Variants in BBS9 observed in about 807,000 individuals in gnomAD.
BBS9 encodes the protein Bardet-Biedl syndrome 9.
A neutral mutation model predicts 117.7 loss-of-function variants in BBS9; 89 were observed. The observed-to-expected ratio is 0.76, with a 90% CI of 0.64 to 0.90. The LOEUF (loss-of-function observed/expected upper bound fraction) is 0.90. BBS9 is among the 40% of genes least tolerant of loss of function. BBS9 has a pLI of 0.00. For synonymous variants in BBS9, 379 were observed against 370.9 expected (o/e 1.02, Z -0.25); for missense variants, 982 against 1,042.2 (o/e 0.94, Z 0.80).
chr7:33,304,647 C>T lies in BBS9; in HGVS notation c.1016+30691C>T, dbSNP rs373558182. Among the ~76,000 whole-genome samples, 48 of 152,214 alleles carry T rather than the reference C, an allele frequency of 3.2e-4. No individual in the cohort carries two copies. The South Asian group carries it at 9.1e-3, about 29-fold the overall frequency. On this transcript the variant is annotated intron_variant, in intron 9 of 22. Coordinates refer to ENST00000242067, the MANE Select transcript of BBS9 (RefSeq NM_198428.3). ...GTACCCAACAGCTTGGAAGAGACAGCGACCATCGAGAATGGGCCATGATGA... is the reference window on the plus strand; with the variant it reads ...GTACCCAACAGCTTGGAAGAGACAGTGACCATCGAGAATGGGCCATGATGA...
intron 9 of BBS9, among the ~76,000 whole-genome samples, chr7:33,300,956 C>T (rs1280057546): frequency 6.6e-6 from 1 of 152,042 alleles, no homozygotes; most frequent in Admixed American, 6.6e-5. Flanking sequence ...TTTAGATTAG[C>T]AGTTATTTTC....
At chr7:33,464,582 T>C (rs1049455349) in intron 19 of BBS9, among the ~76,000 whole-genome samples, 3 of 152,048 alleles carry the variant, frequency 2.0e-5, no homozygotes. Flanking sequence ...ATCTGTTCAA[T>C]AATTTTTTTC....
intron 21 of BBS9, among the ~76,000 whole-genome samples, chr7:33,543,594 A>G (rs551037482): frequency 2.6e-5 from 4 of 152,276 alleles, no homozygotes; most frequent in South Asian, 2.1e-4. Context: ...GTTTTCCTTT[A>G]TAGGTTACCT....
chr7:33,328,457 T>G (rs1045547934), intron 9 of BBS9, among the ~76,000 whole-genome samples: 7 of 152,228 alleles, frequency 4.6e-5, no homozygotes, highest in Non-Finnish European at 1.0e-4. Flanking sequence ...TAAAATATGT[T>G]CAAGTGCCCA....
At position 33,540,036 on chromosome 7, in the gene BBS9, A is replaced by G. The variant is rs114292031; in HGVS notation, c.2521+5860A>G. Among the ~76,000 whole-genome samples the G allele has an allele frequency of 1.8e-3, 272 of 152,308 alleles. 2 individuals are homozygous for G. Among genetic ancestry groups the G allele is most frequent in the African/African-American group, 6.4e-3 (267 of 41,568 alleles). On this transcript the variant is annotated intron_variant, in intron 21 of 22. Transcript: ENST00000242067. Reference sequence around the variant, plus strand: ...CTTTGTGTTATGCTTCTGCTTTTCTATGATTATAGCAACTGGGATAATTAA... The same window carrying G: ...CTTTGTGTTATGCTTCTGCTTTTCTGTGATTATAGCAACTGGGATAATTAA...
At chr7:33,464,239 A>T (rs1216183900) in intron 19 of BBS9, among the ~76,000 whole-genome samples, 1 of 152,100 alleles carries the variant, frequency 6.6e-6, no homozygotes, top group Non-Finnish European at 1.5e-5. Context: ...TAAAACAAAC[A>T]TGAGCCTTAC....
chr7:33,402,516 C>T (rs75711418), intron 19 of BBS9, among the ~76,000 whole-genome samples: 3,874 of 152,198 alleles, frequency 0.025, 168 homozygotes, highest in African/African-American at 0.089. Flanking sequence ...AATCCTCACT[C>T]CCACTCCAAC....
At chr7:33,168,756 A>G (rs1796073766) in intron 4 of BBS9, among the ~76,000 whole-genome samples, 1 of 152,048 alleles carries the variant, frequency 6.6e-6, no homozygotes, top group South Asian at 2.1e-4. Flanking sequence ...TATTTTTAAC[A>G]CATATCTTTG....
chr7:33,220,114 C>T (rs1166284892), intron 5 of BBS9, among the ~76,000 whole-genome samples: 5 of 152,218 alleles, frequency 3.3e-5, no homozygotes, highest in Admixed American at 6.5e-5. Context: ...CCACCAATTC[C>T]GGACACAGTT....
chr7:33,398,588 C>CG (rs1828398878), intron 19 of BBS9, among the ~76,000 whole-genome samples: 4 of 152,268 alleles, frequency 2.6e-5, no homozygotes, highest in Admixed American at 2.6e-4. Flanking sequence ...TATTCACTAT[C>CG]TGTGTGTGGG....
chr7:33,361,505 G>C lies in BBS9; in HGVS notation c.1693+3510G>C, dbSNP rs575480002. ...ATTTGAAAACTTTATTCAAATACCA[G>C]CTGCCTTTTTGAAAAATTGTATCAC... On this transcript the variant is annotated intron_variant, in intron 16 of 22. Coordinates refer to ENST00000242067, the MANE Select transcript of BBS9 (RefSeq NM_198428.3). 3.9e-5 allele frequency among the ~76,000 whole-genome samples: 6 copies of C among 152,228 alleles called. No homozygotes were observed. In the East Asian group the frequency reaches 1.2e-3, roughly 29 times the overall value.
intron 9 of BBS9, among the ~76,000 whole-genome samples, chr7:33,275,152 T>C (rs558381631): frequency 6.6e-6 from 1 of 152,172 alleles, no homozygotes; most frequent in Admixed American, 6.5e-5. Context: ...GTGTTTTATC[T>C]AAAGCCTGAA....
At chr7:33,236,863 C>G (rs1291199067) in intron 5 of BBS9, among the ~76,000 whole-genome samples, 1 of 152,018 alleles carries the variant, frequency 6.6e-6, no homozygotes, top group Non-Finnish European at 1.5e-5. Context: ...TACAATAGAT[C>G]ATTAAAACTT....
intron 4 of BBS9, among the ~76,000 whole-genome samples, chr7:33,170,894 A>C (rs1796447503): frequency 6.6e-6 from 1 of 151,890 alleles, no homozygotes; most frequent in Admixed American, 6.6e-5. Flanking sequence ...TCCAACTTAC[A>C]AGGGATGTGA....
intron 19 of BBS9, among the ~76,000 whole-genome samples, chr7:33,489,832 A>G (rs193081341): frequency 1.3e-5 from 2 of 152,302 alleles, no homozygotes; most frequent in Non-Finnish European, 2.9e-5. Flanking sequence ...ATGGTATTCT[A>G]TCCCCAGAAT....
At chr7:33,130,707 GA>G (rs1789464403) in intron 1 of BBS9, among the ~76,000 whole-genome samples, 1 of 151,818 alleles carries the variant, frequency 6.6e-6, no homozygotes, top group African/African-American at 2.4e-5. Context: ...CAATTACTGA[GA>G]TTTTTTTCAT....
rs139227689 is a variant in BBS9, at chr7:33,505,216, C to CT, written c.2116-246dup. Among the ~76,000 whole-genome samples the CT allele has an allele frequency of 8.0e-3, 1,215 of 152,040 alleles. 11 individuals carry two copies. Among genetic ancestry groups the CT allele is most frequent in the African/African-American group, 0.028 (1,168 of 41,470 alleles). On this transcript the variant is annotated intron_variant, in intron 19 of 22. Coordinates refer to ENST00000242067, the MANE Select transcript of BBS9 (RefSeq NM_198428.3). ...AAGCAGACACTGAACACTGTCCCTG[C>CT]TAAGCTTATTTTGTGGATATTTTCC...
At chr7:33,344,718 G>T (rs1441496972) in intron 12 of BBS9, 84 bp downstream of exon 12, 2 of 1,373,352 alleles carry the variant, frequency 1.5e-6, no homozygotes, top group African/African-American at 2.9e-5. Context: ...CTTGTAAGTA[G>T]CTTACAGAAA....
At chr7:33,326,160 G>A (rs959151682) in intron 9 of BBS9, among the ~76,000 whole-genome samples, 1 of 152,054 alleles carries the variant, frequency 6.6e-6, no homozygotes, top group Non-Finnish European at 1.5e-5. Context: ...GAATCTACCT[G>A]GTGCTCTGTT....
Sources: gnomAD v4.1 joint callset for allele counts (sites outside exome capture counted in the v4.1 genomes callset) on GRCh38, gnomAD v4.1.1 for gene constraint, MANE v1.5 for transcripts, NCBI Gene and HGNC (gene_info 2026-07-23, HGNC 2026-07-21) for gene names.